STX17: variants seen among roughly 807,000 people sequenced by gnomAD.
STX17 encodes the protein syntaxin 17.
Under a neutral mutation model 35.9 loss-of-function variants are expected in STX17, and 29 were observed. That is an observed-to-expected ratio of 0.81 (90% confidence interval 0.60 to 1.10). The LOEUF (loss-of-function observed/expected upper bound fraction) is 1.10, where lower values mean the gene tolerates loss of function less well. Among genes scored for constraint, STX17 ranks in the 50% least tolerant of loss-of-function variants. The probability of loss-of-function intolerance (pLI) is 0.00; values close to 1 mark genes in which losing one functional copy is unlikely to be tolerated. For missense variants in STX17, 312 were observed against 352.3 expected, an observed-to-expected ratio of 0.89 and a Z score of 0.92; for synonymous variants, 92 against 118.3, an observed-to-expected ratio of 0.78 and a Z score of 1.44.
chr9:99,939,059 A>T (rs1829298756), intron 3 of STX17, among the ~76,000 whole-genome samples: 1 of 152,176 alleles, frequency 6.6e-6, no homozygotes, highest in South Asian at 2.1e-4. Flanking sequence ...TAGATGTGAG[A>T]TGTGACTTTC....
intron 3 of STX17, among the ~76,000 whole-genome samples, chr9:99,936,257 G>A (rs1037765130): frequency 1.3e-5 from 2 of 152,126 alleles, no homozygotes; most frequent in African/African-American, 2.4e-5. Context: ...GGAACATATA[G>A]TAGTTGTTTT....
chr9:99,956,035 A>G (rs1049427061), intron 4 of STX17, among the ~76,000 whole-genome samples: 1 of 152,202 alleles, frequency 6.6e-6, no homozygotes, highest in African/African-American at 2.4e-5. Flanking sequence ...TAGAAATGAA[A>G]AGATTTGCTT....
At position 99,969,413 on chromosome 9, in the gene STX17, TC is replaced by T. The variant is rs1829981399; in HGVS notation, c.*743del. On this transcript the variant is annotated 3_prime_UTR_variant, in exon 8 of 8. Transcript: ENST00000259400. The stretch of plus-strand genomic sequence containing the variant: ...AAGATCTTGTGCCCTGTGCTGTCCC[TC>T]CCTTGTAATTATGAAAAGTTCTTTG... 2 of 152,282 alleles carry T rather than the reference TC, an allele frequency of 1.3e-5. No individual in the cohort carries two copies. The highest frequency in any genetic ancestry group is 4.1e-4 in the South Asian group (2 of 4,826). The allele number at this position is 152,282 out of a possible 1,614,324, so 9.4% of individuals were successfully genotyped here. A position where few individuals can be genotyped will look rare whatever the true frequency, so the allele number is the denominator to read the frequency against.
Position 99,960,107 on chromosome 9 carries a change from C to A in STX17, c.534C>A (p.Asp178Glu), listed in dbSNP as rs1164399954. The A allele has an allele frequency of 2.5e-6, 4 of 1,613,906 alleles. No homozygotes were observed. The highest frequency in any genetic ancestry group is 2.2e-5 in the East Asian group (1 of 44,854). Residue 178 changes from aspartate (D) to glutamate (E), a missense_variant and splice_region_variant, in exon 6 of 8, where the codon GAC (aspartate) becomes GAA (glutamate). Physicochemically the swap from Asp to Glu is conservative, Grantham distance 45. Transcript: ENST00000259400. Reference protein sequence around the residue: ...AAESWETLEADLIELSQLVTD... With the variant: ...AAESWETLEAELIELSQLVTD... ...CTTCCTCTCCCTTTCTTTTAAAGGA[C>A]TTAATTGAACTTAGCCAACTGGTCA...
chr9:99,916,885 C>CT (rs1453782510), intron 2 of STX17, among the ~76,000 whole-genome samples: 1 of 151,962 alleles, frequency 6.6e-6, no homozygotes, highest in African/African-American at 2.4e-5. Context: ...CTTAGATTTC[C>CT]TTTTTCTTAT....
chr9:99,944,640 G>A (rs1055333455), intron 3 of STX17, among the ~76,000 whole-genome samples: 9 of 151,516 alleles, frequency 5.9e-5, no homozygotes, highest in African/African-American at 7.3e-5. Flanking sequence ...TCAGCCTCCC[G>A]AGTAGCTGGG....
At chr9:99,954,274 A>C (rs969286638) in intron 4 of STX17, among the ~76,000 whole-genome samples, 4 of 151,972 alleles carry the variant, frequency 2.6e-5, no homozygotes, top group African/African-American at 9.7e-5. Context: ...GTTATACCTA[A>C]AATAGTGTAT....
chr9:99,966,908 T>G (rs1244820218), intron 6 of STX17, among the ~76,000 whole-genome samples: 1 of 152,174 alleles, frequency 6.6e-6, no homozygotes, highest in African/African-American at 2.4e-5. Flanking sequence ...AGAGAGGAGA[T>G]TGACCTGATG....
intron 4 of STX17, among the ~76,000 whole-genome samples, chr9:99,956,700 A>T (rs1319047883): frequency 1.3e-5 from 2 of 152,230 alleles, no homozygotes; most frequent in Non-Finnish European, 2.9e-5. Flanking sequence ...CCTTTAAGTT[A>T]AATAAATATA....
At chr9:99,909,897 A>G (rs1179557204) in intron 1 of STX17, among the ~76,000 whole-genome samples, 1 of 152,172 alleles carries the variant, frequency 6.6e-6, no homozygotes, top group Non-Finnish European at 1.5e-5. Context: ...ATAAATATAT[A>G]CCTACTACTA....
intron 1 of STX17, 64 bp from the exon 2 acceptor site, chr9:99,915,114 G>A (rs1828741220): frequency 1.6e-5 from 17 of 1,095,858 alleles, no homozygotes; most frequent in East Asian, 1.5e-4. Context: ...AAAACTAATC[G>A]TTGGCTTTTA....
At chr9:99,911,989 G>T (rs553093561) in intron 1 of STX17, among the ~76,000 whole-genome samples, 8 of 152,346 alleles carry the variant, frequency 5.3e-5, no homozygotes, top group Admixed American at 1.3e-4. Context: ...CACTTTGGGA[G>T]GCCGAGGCAG....
chr9:99,907,555 T>A (rs796198124), intron 1 of STX17, among the ~76,000 whole-genome samples: 6 of 152,346 alleles, frequency 3.9e-5, no homozygotes, highest in African/African-American at 1.4e-4. Flanking sequence ...GGCACAGTCC[T>A]GGCACCCCTC....
intron 6 of STX17, among the ~76,000 whole-genome samples, chr9:99,961,600 T>A (rs1829828018): frequency 6.6e-6 from 1 of 152,286 alleles, no homozygotes; most frequent in Middle Eastern, 3.4e-3. Context: ...TGTATATTTA[T>A]GTATGTGTGT....
intron 3 of STX17, among the ~76,000 whole-genome samples, chr9:99,948,846 G>T (rs745982030): frequency 2.0e-5 from 3 of 152,070 alleles, no homozygotes; most frequent in Non-Finnish European, 2.9e-5. Flanking sequence ...ACAGACATAT[G>T]TACAAATTAC....
chr9:99,968,638 G>C lies in STX17; in HGVS notation c.874G>C (p.Asp292His). ...GGAGAAGCTCACTTCCAGCTGTCCAGATCTTCCCAGCCAAACTGACAAGAA... is the reference window on the plus strand; with the variant it reads ...GGAGAAGCTCACTTCCAGCTGTCCACATCTTCCCAGCCAAACTGACAAGAA... ...MMEKLTSSCP[D>H]LPSQTDKKCS The change falls in exon 8 of 8, where the codon GAT (aspartate) becomes CAT (histidine). Residue 292 changes from aspartate (D) to histidine (H), a missense_variant. Asp to His is a moderately conservative substitution (Grantham distance 81). Coordinates refer to ENST00000259400, the MANE Select transcript of STX17 (RefSeq NM_017919.3). 1.9e-6 allele frequency: 3 copies of C among 1,613,914 alleles called. No individual in the cohort carries two copies. The highest frequency in any genetic ancestry group is 2.5e-6 in the Non-Finnish European group (3 of 1,179,912).
chr9:99,908,841 A>G (rs1013099479), intron 1 of STX17, among the ~76,000 whole-genome samples: 1 of 152,204 alleles, frequency 6.6e-6, no homozygotes, highest in Non-Finnish European at 1.5e-5. Flanking sequence ...GTCTATACAT[A>G]TGCATACCCA....
rs141285304 is a variant in STX17 at position 99,965,558 on chromosome 9, G to A, written c.583-2095G>A. 1.7e-3 allele frequency among the ~76,000 whole-genome samples: 263 copies of A among 152,260 alleles called. 3 individuals carry two copies. The highest frequency in any genetic ancestry group is 3.0e-3 in the Non-Finnish European group (201 of 68,024). Reference sequence around the variant, plus strand: ...TTTCAGGCAAGAGTGGAAAGTGTTGGGGGTGTCCTAAATAGAAACAATGAT... The same window carrying A: ...TTTCAGGCAAGAGTGGAAAGTGTTGAGGGTGTCCTAAATAGAAACAATGAT... On this transcript the variant is annotated intron_variant, in intron 6 of 7. Transcript: ENST00000259400.
intron 3 of STX17, among the ~76,000 whole-genome samples, chr9:99,929,639 C>T (rs1054970672): frequency 6.6e-6 from 1 of 151,226 alleles, no homozygotes; most frequent in Non-Finnish European, 1.5e-5. Flanking sequence ...CTCTAGGTTC[C>T]TACCTTGCTC....
Sources: allele counts gnomAD v4.1 joint callset (sites outside exome capture counted in the v4.1 genomes callset), GRCh38; gene constraint gnomAD v4.1.1; transcripts MANE v1.5; gene names NCBI Gene and HGNC (gene_info 2026-07-23, HGNC 2026-07-21).